Variants in FHIT observed in about 807,000 individuals in gnomAD.
FHIT encodes the protein fragile histidine triad diadenosine triphosphatase, also known as bis(5'-adenosyl)-triphosphatase.
In FHIT, 19 loss-of-function variants were observed where a neutral mutation model predicts 17.9. The observed-to-expected ratio is 1.06, with a 90% CI of 0.74 to 1.56. The LOEUF (loss-of-function observed/expected upper bound fraction) is 1.56, where lower values mean the gene tolerates loss of function less well. Ranked by LOEUF, FHIT falls within the 40% of genes most tolerant of loss-of-function variation. The pLI, the probability that FHIT is intolerant of heterozygous loss-of-function variation, is 0.00. For synonymous variants in FHIT, 81 were observed against 69.7 expected, an observed-to-expected ratio of 1.16 and a Z score of -0.81; for missense variants, 248 against 189.2, an observed-to-expected ratio of 1.31 and a Z score of -1.82.
At chr3:59,800,254 C>T (rs6781354) in intron 8 of FHIT, among the ~76,000 whole-genome samples, 121,705 of 152,170 alleles carry the variant, frequency 0.8, 48,847 homozygotes, top group Middle Eastern at 0.9. Flanking sequence ...TCTGGAGTTA[C>T]AAACATGTCA....
intron 3 of FHIT, among the ~76,000 whole-genome samples, chr3:60,972,070 G>A (rs1710043710): frequency 1.3e-5 from 2 of 152,108 alleles, no homozygotes; most frequent in African/African-American, 4.8e-5. Context: ...GTCAATGAGT[G>A]CTTAAATTGT....
intron 5 of FHIT, among the ~76,000 whole-genome samples, chr3:60,103,403 A>G (rs1323638869): frequency 6.6e-6 from 1 of 152,224 alleles, no homozygotes; most frequent in African/African-American, 2.4e-5. Context: ...AGTTCAAAGA[A>G]GTGACCAAAG....
chr3:60,918,919 C>T (rs1429199661), intron 3 of FHIT, among the ~76,000 whole-genome samples: 1 of 152,076 alleles, frequency 6.6e-6, no homozygotes, highest in South Asian at 2.1e-4. Flanking sequence ...CTTTTACTCC[C>T]TATTTATGAT....
intron 2 of FHIT, among the ~76,000 whole-genome samples, chr3:61,053,134 C>G (rs1033151857): frequency 6.6e-6 from 1 of 152,160 alleles, no homozygotes; most frequent in Non-Finnish European, 1.5e-5. Flanking sequence ...GAAGGACTCT[C>G]TTCCAAATCC....
At chr3:60,651,321 A>G (rs2039985405) in intron 4 of FHIT, among the ~76,000 whole-genome samples, 1 of 152,138 alleles carries the variant, frequency 6.6e-6, no homozygotes, top group African/African-American at 2.4e-5. Context: ...ACATAGAAGT[A>G]CCCATTTTAT....
chr3:60,014,810 C>A (rs3845970), intron 5 of FHIT, among the ~76,000 whole-genome samples: 43,868 of 151,718 alleles, frequency 0.29, 6,561 homozygotes, highest in East Asian at 0.47. Context: ...AAATCATGAA[C>A]GAAAGGTTGT....
chr3:60,640,133 C>T, intron 4 of FHIT, among the ~76,000 whole-genome samples: 1 of 152,136 alleles, frequency 6.6e-6, no homozygotes, highest in African/African-American at 2.4e-5. Context: ...CTGGGAGTGA[C>T]AGAAGGAAAT....
chr3:60,652,067 C>A (rs1358969110), intron 4 of FHIT, among the ~76,000 whole-genome samples: 1 of 152,148 alleles, frequency 6.6e-6, no homozygotes, highest in African/African-American at 2.4e-5. Flanking sequence ...GGGATTGCGG[C>A]AAAGGAGGGC....
At chr3:59,969,635 T>C (rs1289515465) in intron 7 of FHIT, among the ~76,000 whole-genome samples, 2 of 152,148 alleles carry the variant, frequency 1.3e-5, no homozygotes, top group African/African-American at 4.8e-5. Flanking sequence ...AGCTACTTTA[T>C]GCTTCATTTG....
At chr3:61,062,037 G>A (rs994091374) in intron 2 of FHIT, among the ~76,000 whole-genome samples, 11 of 152,068 alleles carry the variant, frequency 7.2e-5, no homozygotes, top group Non-Finnish European at 1.5e-4. Context: ...TAATTTCAAT[G>A]TATAGACATA....
chr3:61,174,023 T>C (rs547215648), intron 2 of FHIT, among the ~76,000 whole-genome samples: 2 of 152,342 alleles, frequency 1.3e-5, no homozygotes, highest in South Asian at 2.1e-4. Flanking sequence ...TGGGAACTTA[T>C]GTAAGGACCC....
At chr3:60,114,499 T>TC (rs1458154752) in intron 5 of FHIT, among the ~76,000 whole-genome samples, 1 of 128,516 alleles carries the variant, frequency 7.8e-6, no homozygotes, top group East Asian at 2.2e-4. Context: ...CTTTTTTTTT[T>TC]TTTTTTTTTT....
chr3:60,783,251 C>T (rs1353308850), intron 4 of FHIT, among the ~76,000 whole-genome samples: 1 of 152,080 alleles, frequency 6.6e-6, no homozygotes, highest in Non-Finnish European at 1.5e-5. Context: ...GTGACACATA[C>T]ATTCAAACCA....
At chr3:60,495,701 C>T (rs2034274023) in intron 5 of FHIT, among the ~76,000 whole-genome samples, 1 of 152,044 alleles carries the variant, frequency 6.6e-6, no homozygotes, top group Non-Finnish European at 1.5e-5. Context: ...AATTTCACGG[C>T]CTTTTCCCAC....
At chr3:60,912,856 C>T (rs1706816258) in intron 3 of FHIT, 2 of 488,356 alleles carry the variant, frequency 4.1e-6, no homozygotes, top group South Asian at 1.6e-5. Flanking sequence ...ATTTTAATCA[C>T]CCCTTTGAGT....
At chr3:61,219,180 T>C (rs1464448787) in intron 1 of FHIT, among the ~76,000 whole-genome samples, 3 of 152,176 alleles carry the variant, frequency 2.0e-5, no homozygotes, top group Admixed American at 6.6e-5. Context: ...GGTAAAAATA[T>C]AGTATTATAA....
At chr3:60,550,719 C>A (rs946289726) in intron 4 of FHIT, among the ~76,000 whole-genome samples, 40 of 151,992 alleles carry the variant, frequency 2.6e-4, no homozygotes, top group African/African-American at 9.4e-4. Flanking sequence ...TACTTAATAA[C>A]CTTTCCTCAT....
chr3:59,758,787 G>A (rs975004733), intron 8 of FHIT, among the ~76,000 whole-genome samples: 1 of 152,140 alleles, frequency 6.6e-6, no homozygotes, highest in East Asian at 1.9e-4. Context: ...ATGAAATGGT[G>A]TGAAAATATG....
intron 4 of FHIT, among the ~76,000 whole-genome samples, chr3:60,770,770 T>G (rs1454628930): frequency 2.0e-5 from 3 of 152,238 alleles, no homozygotes; most frequent in Non-Finnish European, 4.4e-5. Context: ...TTCTGCAACA[T>G]AGTTTTGGAC....
Sources: allele counts gnomAD v4.1 joint callset (sites outside exome capture counted in the v4.1 genomes callset), GRCh38; gene constraint gnomAD v4.1.1; transcripts MANE v1.5; gene names NCBI Gene and HGNC (gene_info 2026-07-23, HGNC 2026-07-21).